Variants in NUFIP1 observed in about 807,000 individuals in gnomAD.
NUFIP1 encodes the protein FMR1-interacting protein NUFIP1.
Under a neutral mutation model 56.2 loss-of-function variants are expected in NUFIP1, and 38 were observed. The observed-to-expected ratio is 0.68, with a 90% confidence interval of 0.52 to 0.89. The LOEUF (loss-of-function observed/expected upper bound fraction) is 0.89, where lower values mean the gene tolerates loss of function less well. NUFIP1 is among the 40% of genes least tolerant of loss of function. The pLI is 0.00. For synonymous variants in NUFIP1, 215 were observed against 212.4 expected, an observed-to-expected ratio of 1.01 and a Z score of -0.10; for missense variants, 567 against 605.8, an observed-to-expected ratio of 0.94 and a Z score of 0.67.
intron 1 of NUFIP1, among the ~76,000 whole-genome samples, chr13:44,983,071 T>A (rs1872250779): frequency 6.6e-6 from 1 of 152,180 alleles, no homozygotes; most frequent in African/African-American, 2.4e-5. Flanking sequence ...CCCAGGCTGA[T>A]CTCACACTCC....
At chr13:44,975,662 T>C (rs889554189) in intron 5 of NUFIP1, among the ~76,000 whole-genome samples, 1 of 152,184 alleles carries the variant, frequency 6.6e-6, no homozygotes, top group African/African-American at 2.4e-5. Flanking sequence ...TATCTTTTCC[T>C]AGTTAGTTCT....
At position 44,989,214 on chromosome 13, in the gene NUFIP1, G is replaced by A. The variant is rs1421619028; in HGVS notation, c.223C>T (p.Pro75Ser). Residue 75 changes from proline (P) to serine (S), a missense_variant, in exon 1 of 10, where the codon CCC becomes TCC. Coordinates refer to ENST00000379161, the MANE Select transcript of NUFIP1 (RefSeq NM_012345.3). ...GCGTCGAAGGGGGGCGGAGCCCCGG[G>A]GAGAGACTGGGCCTCCATGGGGGGC... is the stretch of plus-strand genomic sequence containing the variant. ...SQPPMEAQSLPGAPPPFDAQI... is the reference protein window; with the variant it reads ...SQPPMEAQSLSGAPPPFDAQI... 7 of 1,611,414 alleles carry A rather than the reference G, an allele frequency of 4.3e-6. No homozygotes were observed. In the Admixed American group the frequency reaches 8.4e-5, roughly 19 times the overall value.
intron 6 of NUFIP1, among the ~76,000 whole-genome samples, chr13:44,960,484 C>A (rs1036120421): frequency 2.0e-5 from 3 of 152,052 alleles, no homozygotes; most frequent in Non-Finnish European, 4.4e-5. Flanking sequence ...CCAGGATGGT[C>A]TCGAACTCCT....
At chr13:44,955,770 G>A (rs1871212188) in intron 7 of NUFIP1, among the ~76,000 whole-genome samples, 2 of 151,906 alleles carry the variant, frequency 1.3e-5, no homozygotes, top group South Asian at 4.1e-4. Flanking sequence ...GGGCCGCATT[G>A]GAAGAACTGT....
chr13:44,948,669 C>A (rs1330937619), intron 8 of NUFIP1, among the ~76,000 whole-genome samples: 1 of 152,026 alleles, frequency 6.6e-6, no homozygotes, highest in African/African-American at 2.4e-5. Context: ...TTGATATAAA[C>A]CTTGGATTAA....
At chr13:44,977,665 A>T (rs1192572400) in intron 5 of NUFIP1, among the ~76,000 whole-genome samples, 1 of 152,182 alleles carries the variant, frequency 6.6e-6, no homozygotes, top group East Asian at 1.9e-4. Flanking sequence ...GGTGGCCTAG[A>T]TTCCTTCATT....
intron 5 of NUFIP1, among the ~76,000 whole-genome samples, chr13:44,968,484 A>G (rs1262140509): frequency 6.6e-6 from 1 of 152,156 alleles, no homozygotes. Flanking sequence ...TAAAACCTCC[A>G]AAGAAAGATG....
At chr13:44,979,584 G>A (rs1197364084) in intron 4 of NUFIP1, among the ~76,000 whole-genome samples, 3 of 152,182 alleles carry the variant, frequency 2.0e-5, no homozygotes, top group African/African-American at 4.8e-5. Flanking sequence ...CTAAAGATAT[G>A]AGTAGACGTG....
chr13:44,974,905 G>T (rs1044414538), intron 5 of NUFIP1, among the ~76,000 whole-genome samples: 1 of 152,212 alleles, frequency 6.6e-6, no homozygotes, highest in Admixed American at 6.5e-5. Flanking sequence ...AAGACAGATG[G>T]CACAGAGCTC....
Position 44,941,173 on chromosome 13 carries a change from T to C in NUFIP1, c.*33A>G. On this transcript the variant is annotated 3_prime_UTR_variant, in exon 10 of 10. Transcript: ENST00000379161. ...CTAACGAGGATGATACTGTTTCACATGCTTCAGTTATGTATGCTGAAACAC... is the reference window on the plus strand; with the variant it reads ...CTAACGAGGATGATACTGTTTCACACGCTTCAGTTATGTATGCTGAAACAC... 1 of 1,086,426 alleles carries C rather than the reference T, an allele frequency of 9.2e-7. No homozygotes were observed. The highest frequency in any genetic ancestry group is 1.4e-5 in the South Asian group (1 of 73,962). 67.3% of individuals were successfully genotyped at this position (1,086,426 alleles called of 1,614,324 possible). A position where few individuals can be genotyped will look rare whatever the true frequency, so the allele number is the denominator to read the frequency against.
chr13:44,985,345 T>C (rs918810377), intron 1 of NUFIP1, among the ~76,000 whole-genome samples: 2 of 152,246 alleles, frequency 1.3e-5, no homozygotes, highest in African/African-American at 2.4e-5. Flanking sequence ...CTTTAAATTA[T>C]CCTTCTCTCC....
chr13:44,978,887 T>C (rs923643517), intron 5 of NUFIP1, among the ~76,000 whole-genome samples: 2 of 152,206 alleles, frequency 1.3e-5, no homozygotes, highest in African/African-American at 4.8e-5. Context: ...TACACTTCTG[T>C]ATAATACACT....
chr13:44,955,992 A>C (rs1256594740), intron 7 of NUFIP1, among the ~76,000 whole-genome samples: 2 of 151,394 alleles, frequency 1.3e-5, no homozygotes, highest in African/African-American at 4.9e-5. Flanking sequence ...AAATACAAAA[A>C]ATTAGCCGGG....
rs558812722 is a variant in NUFIP1, at chr13:44,980,336, G to C, written c.595-384C>G. On this transcript the variant is annotated intron_variant, in intron 3 of 9. Transcript: ENST00000379161. ...AAGTTTTCTAGCTAGTACCTGACAA[G>C]GTGTGGACCAGCCTTTGAGGGTGAT... Among the ~76,000 whole-genome samples the C allele has an allele frequency of 2.0e-5, 3 of 152,310 alleles. No individual in the cohort carries two copies. The South Asian group carries it at 6.2e-4, about 32-fold the overall frequency.
intron 5 of NUFIP1, among the ~76,000 whole-genome samples, chr13:44,975,382 A>T (rs1871935997): frequency 3.9e-5 from 6 of 152,120 alleles, no homozygotes. Context: ...ATCCTCTTCC[A>T]GTGTTCCCCA....
intron 6 of NUFIP1, among the ~76,000 whole-genome samples, chr13:44,960,324 A>G (rs111890313): frequency 0.079 from 11,990 of 152,070 alleles, 1,129 homozygotes; most frequent in African/African-American, 0.23. Context: ...GCTGGAGTGC[A>G]ATGGCATGAT....
chr13:44,959,935 C>CT (rs780739517), intron 6 of NUFIP1, among the ~76,000 whole-genome samples: 1,551 of 142,996 alleles, frequency 0.011, 13 homozygotes, highest in African/African-American at 0.026. Flanking sequence ...TTTTTCTTCT[C>CT]TTTTTTTTTT....
chr13:44,964,832 A>C (rs1042454466), intron 6 of NUFIP1, among the ~76,000 whole-genome samples: 6 of 152,196 alleles, frequency 3.9e-5, no homozygotes, highest in Admixed American at 3.9e-4. Context: ...GATACCCAGT[A>C]AGATATTACA....
chr13:44,957,265 G>T (rs190296448), intron 7 of NUFIP1, among the ~76,000 whole-genome samples: 1 of 152,056 alleles, frequency 6.6e-6, no homozygotes, highest in Admixed American at 6.6e-5. Context: ...AGGCTGGAGC[G>T]CAATGGTGTG....
Sources: allele counts gnomAD v4.1 joint callset (sites outside exome capture counted in the v4.1 genomes callset), GRCh38; gene constraint gnomAD v4.1.1; transcripts MANE v1.5; gene names NCBI Gene and HGNC (gene_info 2026-07-23, HGNC 2026-07-21).